Variants in ARID2 observed in about 807,000 individuals in gnomAD.
ARID2 encodes the protein AT-rich interaction domain 2, also known as AT-rich interactive domain-containing protein 2.
ARID2 carries 32 observed loss-of-function variants against 184.6 expected under a neutral mutation model. The ratio of observed to expected loss-of-function variants is 0.17; its 90% CI spans 0.13 to 0.23. ARID2 has a LOEUF of 0.23. Among genes scored for constraint, ARID2 ranks in the 10% least tolerant of loss-of-function variants. ARID2 has a pLI of 1.00. For synonymous variants in ARID2, 836 were observed against 772.6 expected, an observed-to-expected ratio of 1.08 and a Z score of -1.36; for missense variants, 1,696 against 2,197.6, an observed-to-expected ratio of 0.77 and a Z score of 4.56.
Position 45,905,191 on chromosome 12 carries a change from A to G in ARID2, c.*113A>G. On this transcript the variant is annotated 3_prime_UTR_variant, in exon 21 of 21. Coordinates refer to ENST00000334344, the MANE Select transcript of ARID2 (RefSeq NM_152641.4). ...CAAAGACCATAGAATGAATTATTTT[A>G]TCTCCTCCCATGATGCTGAGAGGAA... 9.3e-7 allele frequency: 1 copy of G among 1,071,588 alleles called. No individual in the cohort carries two copies. Among genetic ancestry groups the G allele is most frequent in the Admixed American group, 2.9e-5 (1 of 34,118 alleles). 66.4% of individuals were successfully genotyped at this position (1,071,588 alleles called of 1,614,324 possible).
rs746723711 is a variant in ARID2 at position 45,850,933 on chromosome 12, A to G, written c.2810A>G (p.Gln937Arg). Residue 937 changes from glutamine to arginine, a missense_variant, in exon 15 of 21, where the codon CAA becomes CGA. Gln to Arg is a conservative substitution (Grantham distance 43). Around this residue, in one of 11 missense-constraint regions of ARID2, gnomAD observed 713 missense variants for 824.4 expected, o/e 0.86. Transcript: ENST00000334344. ...VIVSQPAQQG[Q>R]TYAPAIHQIV... The stretch of plus-strand genomic sequence containing the variant: ...GTAAGCCAGCCAGCTCAACAAGGTC[A>G]AACTTATGCACCAGCCATTCACCAA... The G allele has an allele frequency of 3.1e-6, 5 of 1,614,068 alleles. No individual in the cohort carries two copies. The highest frequency in any genetic ancestry group is 4.2e-6 in the Non-Finnish European group (5 of 1,180,028).
intron 3 of ARID2, among the ~76,000 whole-genome samples, chr12:45,795,987 G>A (rs903139564): frequency 3.9e-5 from 6 of 151,900 alleles, no homozygotes; most frequent in Non-Finnish European, 7.4e-5. Context: ...CCTGGTCTCC[G>A]CTCCTGTCTA....
In ARID2 at chr12:45,893,736, T is replaced by G. The variant is rs1451508644; in HGVS notation, c.5363+15T>G. On this transcript the variant is annotated intron_variant, in intron 20 of 20. Coordinates refer to ENST00000334344, the MANE Select transcript of ARID2 (RefSeq NM_152641.4). ...TGTGGTCGCAGGTGAGTAATATGTT[T>G]TCTGTAGCCAAAGTGAATTTAGTTT... is the stretch of plus-strand genomic sequence containing the variant. 1 of 1,521,718 alleles carries G rather than the reference T, an allele frequency of 6.6e-7. No individual in the cohort carries two copies. The highest frequency in any genetic ancestry group is 2.3e-5 in the East Asian group (1 of 43,414). 94.3% of individuals were successfully genotyped at this position (1,521,718 alleles called of 1,614,324 possible). A position where few individuals can be genotyped will look rare whatever the true frequency, so the allele number is the denominator to read the frequency against.
intron 6 of ARID2, 92 bp from the exon 7 acceptor site, chr12:45,836,497 T>C (rs551512388): frequency 9.9e-6 from 12 of 1,212,800 alleles, no homozygotes; most frequent in South Asian, 3.3e-5. Flanking sequence ...ATTACAGGCA[T>C]GAGCCACCAT....
chr12:45,856,824 TATAAA>T (rs1448695407), intron 15 of ARID2, among the ~76,000 whole-genome samples: 2 of 152,174 alleles, frequency 1.3e-5, no homozygotes, highest in Non-Finnish European at 2.9e-5. Context: ...TTTATATAAA[TATAAA>T]ATAAACTGTA....
intron 6 of ARID2, among the ~76,000 whole-genome samples, chr12:45,833,821 G>C (rs866732078): frequency 6.6e-6 from 1 of 152,078 alleles, no homozygotes; most frequent in South Asian, 2.1e-4. Flanking sequence ...TTTTTGACTA[G>C]CATTGTGGAG....
In ARID2 at chr12:45,747,085, C is replaced by T. The variant is rs572693304; in HGVS notation, c.284+15771C>T. The stretch of plus-strand genomic sequence containing the variant: ...TGCCCGGCTGGACCTAGTATTTAAA[C>T]CTGGAATCTAGGCATATTATACTGT... On this transcript the variant is annotated intron_variant, in intron 3 of 20. Coordinates refer to ENST00000334344, the MANE Select transcript of ARID2 (RefSeq NM_152641.4). 2.6e-5 allele frequency among the ~76,000 whole-genome samples: 4 copies of T among 152,152 alleles called. No homozygotes were observed. The South Asian group carries it at 8.3e-4, about 32-fold the overall frequency.
intron 15 of ARID2, among the ~76,000 whole-genome samples, chr12:45,853,590 C>G (rs1486594383): frequency 2.6e-5 from 4 of 152,168 alleles, no homozygotes; most frequent in African/African-American, 9.7e-5. Flanking sequence ...TCCAATCAGG[C>G]TATGAGGATT....
chr12:45,782,324 A>G (rs538561932), intron 3 of ARID2, among the ~76,000 whole-genome samples: 22 of 152,246 alleles, frequency 1.4e-4, no homozygotes, highest in African/African-American at 4.3e-4. Flanking sequence ...TAAAACTAAT[A>G]CTAATAAATT....
chr12:45,868,595 T>A (rs1158583864), intron 16 of ARID2, among the ~76,000 whole-genome samples: 1 of 152,222 alleles, frequency 6.6e-6, no homozygotes, highest in East Asian at 1.9e-4. Context: ...AAAATGCACA[T>A]TTTTTGCTTT....
In ARID2 at chr12:45,871,202, CAT is replaced by C. The variant is rs539423285; in HGVS notation, c.4922+10256_4922+10257del. Among the ~76,000 whole-genome samples the C allele has an allele frequency of 5.9e-5, 9 of 152,264 alleles. No individual in the cohort carries two copies. The South Asian group carries it at 1.9e-3, about 32-fold the overall frequency. On this transcript the variant is annotated intron_variant, in intron 16 of 20. Coordinates refer to ENST00000334344, the MANE Select transcript of ARID2 (RefSeq NM_152641.4). ...CTGTTAATTTCTAGTTCCCTAAAAACATATGATGCTGAGCATCTTTTTGTTTG... is the reference window on the plus strand; with the variant it reads ...CTGTTAATTTCTAGTTCCCTAAAAACATGATGCTGAGCATCTTTTTGTTTG...
At chr12:45,858,314 T>A (rs1462119727) in intron 15 of ARID2, among the ~76,000 whole-genome samples, 1 of 152,046 alleles carries the variant, frequency 6.6e-6, no homozygotes, top group African/African-American at 2.4e-5. Context: ...TGAACTGTGA[T>A]CACGCCATTG....
intron 18 of ARID2, 93 bp downstream of exon 18, chr12:45,892,189 C>A: frequency 7.9e-7 from 1 of 1,267,006 alleles, no homozygotes; most frequent in Non-Finnish European, 1.1e-6. Flanking sequence ...ATTAGGAGAC[C>A]AGAAACCTGG....
intron 16 of ARID2, among the ~76,000 whole-genome samples, chr12:45,888,344 A>G (rs1037532090): frequency 2.0e-5 from 3 of 152,254 alleles, no homozygotes; most frequent in African/African-American, 7.2e-5. Context: ...GAAACTCACT[A>G]TTTAACCAAA....
At chr12:45,825,447 C>T (rs1275889079) in intron 6 of ARID2, among the ~76,000 whole-genome samples, 2 of 152,054 alleles carry the variant, frequency 1.3e-5, no homozygotes, top group African/African-American at 4.8e-5. Context: ...GAAATGGTAA[C>T]TGTTAAGTAG....
intron 16 of ARID2, among the ~76,000 whole-genome samples, chr12:45,880,356 G>A (rs1944079421): frequency 6.6e-6 from 1 of 152,120 alleles, no homozygotes; most frequent in South Asian, 2.1e-4. Flanking sequence ...ACTTTTACTT[G>A]GTACTGATAA....
At chr12:45,843,195 T>A in intron 11 of ARID2, among the ~76,000 whole-genome samples, 1 of 150,568 alleles carries the variant, frequency 6.6e-6, no homozygotes, top group Admixed American at 6.6e-5. Flanking sequence ...AAGATATGAG[T>A]ATAAATTATA....
At chr12:45,831,932 A>G (rs192946691) in intron 6 of ARID2, among the ~76,000 whole-genome samples, 1 of 152,254 alleles carries the variant, frequency 6.6e-6, no homozygotes. Flanking sequence ...TGTTGTCATA[A>G]TATATTTTTC....
Position 45,892,051 on chromosome 12 carries a change from A to C in ARID2, c.5102A>C (p.Lys1701Thr). The change falls in exon 18 of 21, where the codon AAA becomes ACA. Residue 1701 changes from lysine to threonine, a missense_variant. Physicochemically the swap from Lys to Thr is moderately conservative, Grantham distance 78. Around this residue, in one of 11 missense-constraint regions of ARID2, gnomAD observed 58 missense variants for 47.1 expected, o/e 1.23. Coordinates refer to ENST00000334344, the MANE Select transcript of ARID2 (RefSeq NM_152641.4). ...AAGGATGCCCTACTTGCAGGATTAA[A>C]ACAAGATGAACCAGGACAAGCAGGA... ...CSKDALLAGL[K>T]QDEPGQAGSQ... The C allele has an allele frequency of 6.2e-7, 1 of 1,614,178 alleles. No individual in the cohort carries two copies. Among genetic ancestry groups the C allele is most frequent in the South Asian group, 1.1e-5 (1 of 91,088 alleles).
Sources: gnomAD v4.1 joint callset for allele counts (sites outside exome capture counted in the v4.1 genomes callset) on GRCh38, gnomAD v4.1.1 for gene constraint, gnomAD v4.1.1 regional missense constraint, MANE v1.5 for transcripts, NCBI Gene and HGNC (gene_info 2026-07-23, HGNC 2026-07-21) for gene names.